The following SLC9A9 variants were observed in gnomAD, a reference collection of about 807,000 sequenced individuals.
SLC9A9 encodes the protein sodium/hydrogen exchanger 9.
A neutral mutation model predicts 77.8 loss-of-function variants in SLC9A9; 62 were observed. The observed-to-expected ratio is 0.80, with a 90% CI of 0.65 to 0.98. SLC9A9 has a LOEUF of 0.98. Ranked by LOEUF, SLC9A9 falls within the 50% of genes least tolerant of loss-of-function variation. The probability of loss-of-function intolerance (pLI) is 0.00; values close to 1 mark genes in which losing one functional copy is unlikely to be tolerated. For synonymous variants in SLC9A9, 320 were observed against 283.5 expected, an observed-to-expected ratio of 1.13 and a Z score of -1.29; for missense variants, 775 against 774.9, an observed-to-expected ratio of 1.00 and a Z score of 0.00.
At position 143,547,138 on chromosome 3, in the gene SLC9A9, A is replaced by G. The variant is rs149859919; in HGVS notation, c.1089+5224T>C. ...CTAATGTTTATTACCTTTCAGGCTC[A>G]TTTGCTGATTTTGGATTTCTTAACA... On this transcript the variant is annotated intron_variant, in intron 9 of 15. Transcript: ENST00000316549. 8.9e-4 allele frequency among the ~76,000 whole-genome samples: 136 copies of G among 152,154 alleles called. 1 individual carries two copies. In the East Asian group the frequency reaches 0.024, roughly 27 times the overall value.
At chr3:143,653,454 T>C (rs932869085) in intron 5 of SLC9A9, among the ~76,000 whole-genome samples, 1 of 152,108 alleles carries the variant, frequency 6.6e-6, no homozygotes, top group Non-Finnish European at 1.5e-5. Flanking sequence ...TAAGGCAGAA[T>C]GGGTATTTTT....
intron 12 of SLC9A9, among the ~76,000 whole-genome samples, chr3:143,462,556 G>A (rs895466591): frequency 3.3e-5 from 5 of 152,134 alleles, no homozygotes; most frequent in African/African-American, 4.8e-5. Context: ...TATAAGTACC[G>A]TAATTCTAAA....
chr3:143,795,533 T>G (rs1237044973), intron 3 of SLC9A9, among the ~76,000 whole-genome samples: 1 of 152,234 alleles, frequency 6.6e-6, no homozygotes, highest in Non-Finnish European at 1.5e-5. Context: ...GATGTCTGAC[T>G]TCTCTTTTAT....
chr3:143,512,835 A>G (rs1008077513), intron 9 of SLC9A9, among the ~76,000 whole-genome samples: 3 of 152,246 alleles, frequency 2.0e-5, no homozygotes. Flanking sequence ...AGACTGTGCC[A>G]CTGTACTCCA....
At chr3:143,467,803 T>C (rs1456052217) in intron 11 of SLC9A9, among the ~76,000 whole-genome samples, 1 of 151,948 alleles carries the variant, frequency 6.6e-6, no homozygotes, top group Admixed American at 6.5e-5. Context: ...ATTGCCCTTT[T>C]ATAACCACAC....
At chr3:143,821,993 C>T (rs1485423852) in intron 2 of SLC9A9, among the ~76,000 whole-genome samples, 3 of 152,208 alleles carry the variant, frequency 2.0e-5, no homozygotes, top group African/African-American at 7.2e-5. Flanking sequence ...CGCTGTCAGT[C>T]CCTTTAGGGA....
intron 4 of SLC9A9, among the ~76,000 whole-genome samples, chr3:143,708,553 C>T (rs1034019688): frequency 7.2e-5 from 11 of 152,212 alleles, no homozygotes; most frequent in African/African-American, 2.7e-4. Flanking sequence ...ATTCCTTTCT[C>T]ACTGCCATCC....
chr3:143,538,685 ATCT>A (rs1281055395), intron 9 of SLC9A9, among the ~76,000 whole-genome samples: 1 of 152,086 alleles, frequency 6.6e-6, no homozygotes, highest in Non-Finnish European at 1.5e-5. Context: ...TGGCCAAGAG[ATCT>A]TCTATCCCGG....
In SLC9A9 at chr3:143,266,652, C is replaced by T. The variant is rs1255804405; in HGVS notation, c.*50G>A. The T allele has an allele frequency of 1.9e-6, 3 of 1,594,278 alleles. No individual in the cohort carries two copies. The highest frequency in any genetic ancestry group is 1.1e-5 in the South Asian group (1 of 90,074). On this transcript the variant is annotated 3_prime_UTR_variant, in exon 16 of 16. Transcript: ENST00000316549. The stretch of plus-strand genomic sequence containing the variant: ...TGCCTCATCAGCTTGGCTTGTATTC[C>T]TCAGTGAGTCTTGCATTACTTGTGA...
chr3:143,807,705 A>G, intron 2 of SLC9A9, among the ~76,000 whole-genome samples: 1 of 152,252 alleles, frequency 6.6e-6, no homozygotes, highest in South Asian at 2.1e-4. Context: ...AGATGGCGCC[A>G]TTGCACTGCA....
intron 13 of SLC9A9, among the ~76,000 whole-genome samples, chr3:143,370,136 T>A (rs755252919): frequency 1.3e-5 from 2 of 152,202 alleles, no homozygotes; most frequent in Non-Finnish European, 2.9e-5. Context: ...TTTAAGCCAC[T>A]ATATTTTAGG....
chr3:143,573,839 C>T (rs1416463894), intron 8 of SLC9A9, among the ~76,000 whole-genome samples: 3 of 152,206 alleles, frequency 2.0e-5, no homozygotes, highest in Non-Finnish European at 2.9e-5. Flanking sequence ...AACACGCCTC[C>T]TGTCCAGCCA....
intron 14 of SLC9A9, among the ~76,000 whole-genome samples, chr3:143,358,699 T>A (rs566696824): frequency 5.8e-4 from 89 of 152,206 alleles, no homozygotes; most frequent in Non-Finnish European, 1.1e-3. Flanking sequence ...TAATTTTATC[T>A]GATGTCTTAA....
intron 9 of SLC9A9, among the ~76,000 whole-genome samples, chr3:143,527,656 C>G (rs929514143): frequency 2.0e-5 from 3 of 152,212 alleles, no homozygotes; most frequent in African/African-American, 7.2e-5. Context: ...TCCTTCCTGT[C>G]TACCGAAGGA....
At chr3:143,749,784 T>C (rs1043292517) in intron 4 of SLC9A9, among the ~76,000 whole-genome samples, 13 of 152,212 alleles carry the variant, frequency 8.5e-5, no homozygotes, top group African/African-American at 2.9e-4. Flanking sequence ...TTATCCCGGT[T>C]TCAAGAGTAT....
chr3:143,342,998 C>T (rs1459811750), intron 14 of SLC9A9, among the ~76,000 whole-genome samples: 5 of 152,178 alleles, frequency 3.3e-5, no homozygotes, highest in Admixed American at 3.3e-4. Flanking sequence ...TGTAATAATA[C>T]AAGTGATATC....
At chr3:143,317,252 G>A (rs1308520395) in intron 14 of SLC9A9, among the ~76,000 whole-genome samples, 1 of 152,066 alleles carries the variant, frequency 6.6e-6, no homozygotes, top group African/African-American at 2.4e-5. Context: ...CTAGCCATCA[G>A]GTCCACCAAG....
At chr3:143,593,131 C>G (rs994960594) in intron 6 of SLC9A9, among the ~76,000 whole-genome samples, 1 of 152,034 alleles carries the variant, frequency 6.6e-6, no homozygotes, top group Non-Finnish European at 1.5e-5. Flanking sequence ...ACTGTGCATA[C>G]GGTTCATAAA....
At chr3:143,372,033 G>A (rs2033070811) in intron 13 of SLC9A9, 1 of 414,042 alleles carries the variant, frequency 2.4e-6, no homozygotes, top group South Asian at 1.8e-5. Context: ...ATCTCTATGA[G>A]TAGAACTACA....
Sources: gnomAD v4.1 joint callset for allele counts (sites outside exome capture counted in the v4.1 genomes callset) on GRCh38, gnomAD v4.1.1 for gene constraint, MANE v1.5 for transcripts, NCBI Gene and HGNC (gene_info 2026-07-23, HGNC 2026-07-21) for gene names.